Variants in BTBD8 observed in about 807,000 individuals in gnomAD.
The protein encoded by BTBD8 is BTB domain containing 8.
In BTBD8, 110 loss-of-function variants were observed where a neutral mutation model predicts 162.9. That is an observed-to-expected ratio of 0.68 (90% CI 0.58 to 0.79). The LOEUF is 0.79. Ranked by LOEUF, BTBD8 falls within the 30% of genes least tolerant of loss-of-function variation. The pLI is 0.00. For missense variants in BTBD8, 1,905 were observed against 2,085.4 expected, an observed-to-expected ratio of 0.91 and a Z score of 1.68; for synonymous variants, 667 against 716.1, an observed-to-expected ratio of 0.93 and a Z score of 1.10.
At chr1:92,096,268 C>T (rs1357478531) in intron 2 of BTBD8, among the ~76,000 whole-genome samples, 1 of 152,194 alleles carries the variant, frequency 6.6e-6, no homozygotes, top group East Asian at 1.9e-4. Context: ...CAAGCCCAGG[C>T]TAGATTTTAA....
chr1:92,112,285 T>G (rs1648918440), intron 4 of BTBD8, among the ~76,000 whole-genome samples: 1 of 152,086 alleles, frequency 6.6e-6, no homozygotes, highest in South Asian at 2.1e-4. Flanking sequence ...GCACCTGTAG[T>G]CTCAGCTAAT....
chr1:92,091,422 T>C (rs1019634590), intron 2 of BTBD8, among the ~76,000 whole-genome samples: 2 of 152,176 alleles, frequency 1.3e-5, no homozygotes, highest in East Asian at 3.8e-4. Flanking sequence ...TAGTTCTTGA[T>C]GGCAGTGTGA....
chr1:92,089,308 G>A (rs955298711), intron 2 of BTBD8, among the ~76,000 whole-genome samples: 3 of 152,130 alleles, frequency 2.0e-5, no homozygotes, highest in Non-Finnish European at 2.9e-5. Flanking sequence ...AGTTGTGACC[G>A]AAATGTCTCC....
At chr1:92,126,768 T>C (rs1035475249) in intron 4 of BTBD8, among the ~76,000 whole-genome samples, 2 of 152,228 alleles carry the variant, frequency 1.3e-5, no homozygotes, top group Non-Finnish European at 2.9e-5. Context: ...CCAGCATCAG[T>C]TGAATTACCA....
chr1:92,144,501 T>G (rs569031024), intron 7 of BTBD8, among the ~76,000 whole-genome samples: 9 of 140,038 alleles, frequency 6.4e-5, no homozygotes, highest in South Asian at 2.4e-4. Flanking sequence ...TTTTTTTTTT[T>G]GTCACCAATT....
Position 92,180,510 on chromosome 1 carries a change from C to T in BTBD8, c.2827C>T (p.Pro943Ser). ...TAAAGATTCAAAACAGAAAATGCCTCCTGGACAGGTTATATCAAAAACTCA... is the reference window on the plus strand; with the variant it reads ...TAAAGATTCAAAACAGAAAATGCCTTCTGGACAGGTTATATCAAAAACTCA... ...NNKDSKQKMPPGQVISKTQPS... is the reference protein window; with the variant it reads ...NNKDSKQKMPSGQVISKTQPS... The change falls in exon 17 of 18, where the codon CCT (proline) becomes TCT (serine). Residue 943 changes from proline to serine, a missense_variant. Transcript: ENST00000636805. 6.4e-7 allele frequency: 1 copy of T among 1,551,394 alleles called. No homozygotes were observed. The highest frequency in any genetic ancestry group is 8.7e-7 in the Non-Finnish European group (1 of 1,146,894).
At chr1:92,174,787 G>A (rs944433563) in intron 13 of BTBD8, among the ~76,000 whole-genome samples, 2 of 152,130 alleles carry the variant, frequency 1.3e-5, no homozygotes, top group African/African-American at 2.4e-5. Flanking sequence ...AATAATTTCT[G>A]AAATGTCCCA....
chr1:92,115,703 C>A, intron 4 of BTBD8: 1 of 281,968 alleles, frequency 3.5e-6, no homozygotes, highest in South Asian at 4.5e-5. Context: ...GTGAAGGGGT[C>A]ATTGATGGTA....
At position 92,139,372 on chromosome 1, in the gene BTBD8, G is replaced by A; in HGVS notation, c.775G>A (p.Val259Ile). ...LQGISHVELN[V>I]MMHFIYGGTL... ...CAGTATAAGCCATGTAGAACTGAAT[G>A]TTATGATGCATTTTATATATGGAGG... Residue 259 changes from valine to isoleucine, a missense_variant, in exon 6 of 18, where the codon GTT becomes ATT. By Grantham distance (29) the Val-to-Ile change is conservative. Coordinates refer to ENST00000636805, the MANE Select transcript of BTBD8 (RefSeq NM_001376131.1). The A allele has an allele frequency of 6.3e-7, 1 of 1,591,334 alleles. No individual in the cohort carries two copies. Among genetic ancestry groups the A allele is most frequent in the Admixed American group, 1.8e-5 (1 of 54,756 alleles).
Position 92,171,749 on chromosome 1 carries a change from C to T in BTBD8, c.1635+289C>T, listed in dbSNP as rs146399847. The stretch of plus-strand genomic sequence containing the variant: ...AGTCTATTAGAAGTTGTTTAGAACT[C>T]TAGACCTAATTCAATGTCTGTTTTT... On this transcript the variant is annotated intron_variant, in intron 13 of 17. Transcript: ENST00000636805. Among the ~76,000 whole-genome samples, 265 of 152,308 alleles carry T rather than the reference C, an allele frequency of 1.7e-3. 3 individuals are homozygous for T. Among genetic ancestry groups the T allele is most frequent in the African/African-American group, 5.8e-3 (241 of 41,558 alleles).
At chr1:92,088,383 A>G (rs940946220) in intron 1 of BTBD8, among the ~76,000 whole-genome samples, 9 of 152,226 alleles carry the variant, frequency 5.9e-5, no homozygotes, top group African/African-American at 2.2e-4. Flanking sequence ...GTATATCTAA[A>G]GGAAAATCAA....
At chr1:92,139,932 C>CCA (rs1649728825) in intron 6 of BTBD8, 1 of 18,216 alleles carries the variant, frequency 5.5e-5, no homozygotes, top group African/African-American at 1.6e-4. Context: ...ACTAAAAATA[C>CCA]AAAAAAAAAA....
intron 5 of BTBD8, among the ~76,000 whole-genome samples, chr1:92,130,406 C>G (rs1328211020): frequency 1.3e-5 from 2 of 151,238 alleles, no homozygotes; most frequent in African/African-American, 4.9e-5. Flanking sequence ...CTGTGTTGCC[C>G]AGGCTGGAGT....
chr1:92,137,678 T>C (rs887267300), intron 5 of BTBD8, among the ~76,000 whole-genome samples: 4 of 152,166 alleles, frequency 2.6e-5, no homozygotes, highest in African/African-American at 4.8e-5. Context: ...ACAGATTGAG[T>C]ATCCCTTATC....
intron 9 of BTBD8, among the ~76,000 whole-genome samples, chr1:92,154,612 G>A (rs1650117761): frequency 6.6e-6 from 1 of 152,096 alleles, no homozygotes; most frequent in Non-Finnish European, 1.5e-5. Context: ...CAAGTCTTCA[G>A]CCAATTTTTA....
Position 92,080,592 on chromosome 1 carries a change from C to T in BTBD8, c.21C>T (p.Gly7=). The T allele has an allele frequency of 1.9e-6, 3 of 1,614,006 alleles. No individual in the cohort carries two copies. The highest frequency in any genetic ancestry group is 2.5e-6 in the Non-Finnish European group (3 of 1,179,938). ...GAGACATGGCTCGCTGTGGGGAAGG[C>T]AGTGCGGCCCCCATGGTACTTCTGG... The part of the protein sequence containing the change: MARCGE[G]SAAPMVLLGS... The change falls in exon 1 of 18, where the codon GGC becomes GGT. Residue 7 remains glycine, a synonymous_variant. Coordinates refer to ENST00000636805, the MANE Select transcript of BTBD8 (RefSeq NM_001376131.1).
At chr1:92,161,986 C>T (rs1650283668) in intron 9 of BTBD8, among the ~76,000 whole-genome samples, 1 of 151,860 alleles carries the variant, frequency 6.6e-6, no homozygotes, top group Admixed American at 6.6e-5. Context: ...TCCTCACCCA[C>T]CCACCCCCTT....
chr1:92,178,301 A>T lies in BTBD8; in HGVS notation c.2442-11A>T, dbSNP rs1241627868. ...CTAAGTGTAATACTGAATGCAAATA[A>T]TTTTTTTTAGTGTACTAAAGAAAGT... On this transcript the variant is annotated splice_polypyrimidine_tract_variant and intron_variant, in intron 15 of 17. Transcript: ENST00000636805. 12 of 1,541,098 alleles carry T rather than the reference A, an allele frequency of 7.8e-6. No homozygotes were observed. The highest frequency in any genetic ancestry group is 1.7e-4 in the Middle Eastern group (1 of 5,968).
chr1:92,175,305 C>A (rs1456501713), intron 13 of BTBD8, among the ~76,000 whole-genome samples: 1 of 151,478 alleles, frequency 6.6e-6, no homozygotes, highest in Non-Finnish European at 1.5e-5. Flanking sequence ...ATGGTGAAAC[C>A]CCGTCTCTAC....
Sources: gnomAD v4.1 joint callset for allele counts (sites outside exome capture counted in the v4.1 genomes callset) on GRCh38, gnomAD v4.1.1 for gene constraint, MANE v1.5 for transcripts, NCBI Gene and HGNC (gene_info 2026-07-23, HGNC 2026-07-21) for gene names.